DYNC1H1: variants seen among roughly 807,000 people sequenced by gnomAD.
DYNC1H1 encodes dynein cytoplasmic 1 heavy chain 1, also known as cytoplasmic dynein 1 heavy chain 1.
A neutral mutation model predicts 527.1 loss-of-function variants in DYNC1H1; 51 were observed. The observed-to-expected ratio is 0.10, with a 90% CI of 0.08 to 0.12. DYNC1H1 has a LOEUF of 0.12. Ranked by LOEUF, DYNC1H1 falls within the 10% of genes least tolerant of loss-of-function variation. DYNC1H1 has a pLI of 1.00. For missense variants in DYNC1H1, 2,771 were observed against 5,971.8 expected (o/e 0.46, Z 17.66); for synonymous variants, 2,189 against 2,278.8 (o/e 0.96, Z 1.12).
At position 102,029,313 on chromosome 14, in the gene DYNC1H1, C is replaced by T. The variant is rs1202806989; in HGVS notation, c.9469-226C>T. ...AGTACACCTCTAAAGTTGGTGTAATCACCATCCTCAGTTTAGAGAAGTTAA... is the reference window on the plus strand; with the variant it reads ...AGTACACCTCTAAAGTTGGTGTAATTACCATCCTCAGTTTAGAGAAGTTAA... On this transcript the variant is annotated intron_variant, in intron 48 of 77. Coordinates refer to ENST00000360184, the MANE Select transcript of DYNC1H1 (RefSeq NM_001376.5). This position sits in a 1 kb window ranked among gnomAD's most constrained non-coding sequence, Gnocchi z 5.3. 2 of 585,574 alleles carry T rather than the reference C, an allele frequency of 3.4e-6. No homozygotes were observed. Among genetic ancestry groups the T allele is most frequent in the Non-Finnish European group, 6.1e-6 (2 of 330,484 alleles). 36.3% of individuals were successfully genotyped at this position (585,574 alleles called of 1,614,324 possible).
rs1288014241 is a variant in DYNC1H1, at chr14:101,983,414, T to C, written c.1266T>C (p.Thr422=). ...TAGCATGCTTTGAAGTTTTTCAGAC[T>C]TGGGATGATGAGTATGAGAAACTTC... ...VMVACFEVFQ[T]WDDEYEKLQV... Residue 422 remains threonine (T), a synonymous_variant, in exon 7 of 78, where the codon ACT becomes ACC. Coordinates refer to ENST00000360184, the MANE Select transcript of DYNC1H1 (RefSeq NM_001376.5). This position sits in a 1 kb window ranked among gnomAD's most constrained non-coding sequence, Gnocchi z 5.3. 2.5e-6 allele frequency: 4 copies of C among 1,614,150 alleles called. No homozygotes were observed. The highest frequency in any genetic ancestry group is 1.3e-5 in the African/African-American group (1 of 75,024).
In DYNC1H1 at chr14:102,010,000, C is replaced by T. The variant is rs2048239893; in HGVS notation, c.6135C>T (p.Asp2045=). 5 of 1,613,998 alleles carry T rather than the reference C, an allele frequency of 3.1e-6. No individual in the cohort carries two copies. The highest frequency in any genetic ancestry group is 4.2e-6 in the Non-Finnish European group (5 of 1,180,046). The change falls in exon 30 of 78, where the codon GAC becomes GAT. Residue 2045 remains aspartate, a synonymous_variant. Coordinates refer to ENST00000360184, the MANE Select transcript of DYNC1H1 (RefSeq NM_001376.5). ...GGAGCTTGGCCATGACCAAGCCCGA[C>T]CGGCAGTTAATCGCCCAGGTCATGC... is the stretch of plus-strand genomic sequence containing the variant. ...LFRSLAMTKP[D]RQLIAQVMLY...
chr14:102,000,500 A>C, intron 18 of DYNC1H1, 101 bp downstream of exon 18: 2 of 1,054,748 alleles, frequency 1.9e-6, no homozygotes, highest in Non-Finnish European at 2.9e-6. Flanking sequence ...TTGTGAGTTC[A>C]TAAGATGTCA....
Position 102,038,674 on chromosome 14 carries a change from C to T in DYNC1H1, c.11056-24C>T, listed in dbSNP as rs1595629299. ...GGTTTTGAAACTGGATTAAGACAGACTGTTCTGTTACCTATTTTGGCAGGT... is the reference window on the plus strand; with the variant it reads ...GGTTTTGAAACTGGATTAAGACAGATTGTTCTGTTACCTATTTTGGCAGGT... On this transcript the variant is annotated intron_variant, in intron 58 of 77. Coordinates refer to ENST00000360184, the MANE Select transcript of DYNC1H1 (RefSeq NM_001376.5). This position sits in a 1 kb window ranked among gnomAD's most constrained non-coding sequence, Gnocchi z 7.2. 1.9e-6 allele frequency: 3 copies of T among 1,614,250 alleles called. No individual in the cohort carries two copies. The East Asian group carries it at 6.7e-5, about 36-fold the overall frequency.
At chr14:101,969,083 T>G (rs2047699600) in intron 1 of DYNC1H1, among the ~76,000 whole-genome samples, 1 of 152,046 alleles carries the variant, frequency 6.6e-6, no homozygotes, top group Admixed American at 6.6e-5. Flanking sequence ...AGTGGCACGA[T>G]CTCAGCTCAC....
rs1408464410 is a variant in DYNC1H1 at position 102,020,828 on chromosome 14, C to G, written c.8507+772C>G. On this transcript the variant is annotated intron_variant, in intron 42 of 77. Transcript: ENST00000360184. The surrounding 1 kb of genome is among the most constrained non-coding windows in gnomAD (Gnocchi z 4.3). ...ACCAGGTGTCATCCTGCAGTTTTTC[C>G]TGTCATTACTGTACAAGGAGTCTCA... 6.6e-6 allele frequency among the ~76,000 whole-genome samples: 1 copy of G among 152,192 alleles called. No homozygotes were observed. The highest frequency in any genetic ancestry group is 1.5e-5 in the Non-Finnish European group (1 of 68,030).
chr14:102,010,583 CT>C lies in DYNC1H1; in HGVS notation c.6405+125del. On this transcript the variant is annotated intron_variant, in intron 31 of 77. Transcript: ENST00000360184. The surrounding 1 kb of genome is among the most constrained non-coding windows in gnomAD (Gnocchi z 6.0). ...CATGTCTTGGGATGGCTGAAATAGA[CT>C]GTAATGTTGACCCAGTGAGTCGAGT... The C allele has an allele frequency of 6.6e-7, 1 of 1,505,750 alleles. No homozygotes were observed. The highest frequency in any genetic ancestry group is 9.1e-7 in the Non-Finnish European group (1 of 1,103,418). The allele number at this position is 1,505,750 out of a possible 1,614,324, so 93.3% of individuals were successfully genotyped here. A position where few individuals can be genotyped will look rare whatever the true frequency, so the allele number is the denominator to read the frequency against.
intron 43 of DYNC1H1, among the ~76,000 whole-genome samples, chr14:102,024,318 T>A (rs966927622): frequency 6.6e-6 from 1 of 152,228 alleles, no homozygotes; most frequent in Non-Finnish European, 1.5e-5. Context: ...AGTCTTGACA[T>A]GCATTTCATT....
Position 101,997,365 on chromosome 14 carries a change from C to T in DYNC1H1, c.3804+91C>T, listed in dbSNP as rs2048075337. On this transcript the variant is annotated intron_variant, in intron 16 of 77. Transcript: ENST00000360184. The surrounding 1 kb of genome is among the most constrained non-coding windows in gnomAD (Gnocchi z 4.8). ...TCAAGCCTAAAAGGCCTTGCTGTGA[C>T]TGAGCTTTCTAGTATTGAAGACTCT... is the stretch of plus-strand genomic sequence containing the variant. 1 of 1,595,804 alleles carries T rather than the reference C, an allele frequency of 6.3e-7. No individual in the cohort carries two copies. The highest frequency in any genetic ancestry group is 2.3e-5 in the East Asian group (1 of 44,382).
rs1288886820 is a variant in DYNC1H1, at chr14:102,017,181, G to A, written c.7942G>A (p.Val2648Met). ...CGAGTACAGGCGCACACCTAATGGG[G>A]TGGTTTTGGCTCCTGTTCAACTTGG... Reference protein sequence around the residue: ...YCEYRRTPNGVVLAPVQLGKW... With the variant: ...YCEYRRTPNGMVLAPVQLGKW... Residue 2648 changes from valine to methionine, a missense_variant, in exon 39 of 78, where the codon GTG (valine) becomes ATG (methionine). By Grantham distance (21) the Val-to-Met change is conservative (BLOSUM62 1). This residue lies in a region of DYNC1H1 where 163 missense variants were observed against 346.9 expected (regional missense o/e 0.47). Transcript: ENST00000360184. This position sits in a 1 kb window ranked among gnomAD's most constrained non-coding sequence, Gnocchi z 4.6. 3 of 1,614,116 alleles carry A rather than the reference G, an allele frequency of 1.9e-6. No homozygotes were observed. Among genetic ancestry groups the A allele is most frequent in the African/African-American group, 1.3e-5 (1 of 74,926 alleles).
At chr14:102,013,922 A>G (rs1047350390) in intron 34 of DYNC1H1, among the ~76,000 whole-genome samples, 24 of 152,136 alleles carry the variant, frequency 1.6e-4, no homozygotes, top group African/African-American at 4.1e-4. Flanking sequence ...GGTGTGAGGG[A>G]AAGGAATCAA....
rs1029956643 is a variant in DYNC1H1 at position 102,055,282 on chromosome 14, G to C, written c.*4719G>C. ...ATCACTCTGCTCCTCCTGCATCAGC[G>C]CCCCACCCAACAGAGCCGACCAGGC... On this transcript the variant is annotated 3_prime_UTR_variant, in exon 78 of 78. Transcript: ENST00000360184. The C allele has an allele frequency of 2.6e-5, 4 of 152,080 alleles. No individual in the cohort carries two copies. Among genetic ancestry groups the C allele is most frequent in the African/African-American group, 9.7e-5 (4 of 41,320 alleles). 9.4% of individuals were successfully genotyped at this position (152,080 alleles called of 1,614,324 possible).
At position 101,986,871 on chromosome 14, in the gene DYNC1H1, A is replaced by G. The variant is rs1367208125; in HGVS notation, c.2538+108A>G. 4 of 1,308,840 alleles carry G rather than the reference A, an allele frequency of 3.1e-6. No homozygotes were observed. The East Asian group carries it at 9.2e-5, about 30-fold the overall frequency. The allele number at this position is 1,308,840 out of a possible 1,614,324, so 81.1% of individuals were successfully genotyped here. A position where few individuals can be genotyped will look rare whatever the true frequency, so the allele number is the denominator to read the frequency against. On this transcript the variant is annotated intron_variant, in intron 8 of 77. Coordinates refer to ENST00000360184, the MANE Select transcript of DYNC1H1 (RefSeq NM_001376.5). This position sits in a 1 kb window ranked among gnomAD's most constrained non-coding sequence, Gnocchi z 8.7. ...CGAAGAAGGCATGCATGGTTGATGC[A>G]GCATACGGCCATGTGAGCTGCAAGG...
intron 5 of DYNC1H1, 129 bp from the exon 6 acceptor site, chr14:101,982,890 A>G (rs1270344594): frequency 8.6e-7 from 1 of 1,168,824 alleles, no homozygotes; most frequent in Non-Finnish European, 1.2e-6. Context: ...TTGTTTTTTC[A>G]AATATGAATA....
rs1446062930 is a variant in DYNC1H1, at chr14:102,033,692, A to G, written c.10413+208A>G. The G allele has an allele frequency of 8.2e-6, 6 of 732,936 alleles. No individual in the cohort carries two copies. The highest frequency in any genetic ancestry group is 1.4e-5 in the Non-Finnish European group (6 of 441,180). The allele number at this position is 732,936 out of a possible 1,614,324, so 45.4% of individuals were successfully genotyped here. Reference sequence around the variant, plus strand: ...TAGGATAGATTGATACAAACTGGACACTTTTCAGCCGTTGAATCCCCCACC... The same window carrying G: ...TAGGATAGATTGATACAAACTGGACGCTTTTCAGCCGTTGAATCCCCCACC... On this transcript the variant is annotated intron_variant, in intron 54 of 77. Transcript: ENST00000360184. This position sits in a 1 kb window ranked among gnomAD's most constrained non-coding sequence, Gnocchi z 5.6.
intron 23 of DYNC1H1, among the ~76,000 whole-genome samples, chr14:102,003,808 C>A (rs1232184368): frequency 6.6e-6 from 1 of 152,054 alleles, no homozygotes; most frequent in Non-Finnish European, 1.5e-5. Context: ...TGCCTATAAT[C>A]CCAGGTACTC....
At position 102,033,757 on chromosome 14, in the gene DYNC1H1, C is replaced by T. The variant is rs1193489788; in HGVS notation, c.10414-219C>T. 4.4e-6 allele frequency: 3 copies of T among 683,768 alleles called. No individual in the cohort carries two copies. The highest frequency in any genetic ancestry group is 4.0e-4 in the Middle Eastern group (1 of 2,480). 42.4% of individuals were successfully genotyped at this position (683,768 alleles called of 1,614,324 possible). ...TGTTTGCTCTGCTGCCTGAGGGCCT[C>T]GCTCCGTACCCAGCTTCTGCCCCGC... On this transcript the variant is annotated intron_variant, in intron 54 of 77. Coordinates refer to ENST00000360184, the MANE Select transcript of DYNC1H1 (RefSeq NM_001376.5). This position sits in a 1 kb window ranked among gnomAD's most constrained non-coding sequence, Gnocchi z 5.6.
rs74081910 is a variant in DYNC1H1, at chr14:102,046,474, G to A, written c.13007-1343G>A. Among the ~76,000 whole-genome samples, 897 of 150,880 alleles carry A rather than the reference G, an allele frequency of 5.9e-3. 14 individuals carry two copies. Among genetic ancestry groups the A allele is most frequent in the African/African-American group, 0.021 (844 of 40,772 alleles). ...AAGCCAAAGCCAGGCGAGCTGGGCG[G>A]GTCTGGAGGGAAAGCCAGGCGAGCT... is the stretch of plus-strand genomic sequence containing the variant. On this transcript the variant is annotated intron_variant, in intron 72 of 77. Transcript: ENST00000360184.
Position 102,004,815 on chromosome 14 carries a change from G to T in DYNC1H1, c.5103G>T (p.Trp1701Cys), listed in dbSNP as rs1192340814. Residue 1701 changes from tryptophan to cysteine, a missense_variant, in exon 25 of 78, where the codon TGG becomes TGT. This residue lies in a region of DYNC1H1 where 105 missense variants were observed against 138.1 expected (regional missense o/e 0.76). Coordinates refer to ENST00000360184, the MANE Select transcript of DYNC1H1 (RefSeq NM_001376.5). ...SITEHPKINE[W>C]LTLVEKEMRV... ...CTGAACATCCCAAAATCAATGAGTGGCTCACATTGGTAGAAAAGGAGATGA... is the reference window on the plus strand; with the variant it reads ...CTGAACATCCCAAAATCAATGAGTGTCTCACATTGGTAGAAAAGGAGATGA... 1 of 1,614,148 alleles carries T rather than the reference G, an allele frequency of 6.2e-7. No homozygotes were observed. Among genetic ancestry groups the T allele is most frequent in the Non-Finnish European group, 8.5e-7 (1 of 1,180,034 alleles).
Sources: allele counts gnomAD v4.1 joint callset (sites outside exome capture counted in the v4.1 genomes callset), GRCh38; gene constraint gnomAD v4.1.1; regional missense constraint gnomAD v4.1.1; non-coding constraint Gnocchi (gnomAD v3.1); transcripts MANE v1.5; gene names NCBI Gene and HGNC (gene_info 2026-07-23, HGNC 2026-07-21).